Variants in SSH2 observed in about 807,000 individuals in gnomAD.
SSH2 encodes the protein protein phosphatase Slingshot homolog 2.
A neutral mutation model predicts 135.2 loss-of-function variants in SSH2; 37 were observed. The ratio of observed to expected loss-of-function variants is 0.27; its 90% CI spans 0.21 to 0.36. SSH2 has a LOEUF of 0.36. Among genes scored for constraint, SSH2 ranks in the 10% least tolerant of loss-of-function variants. The probability of loss-of-function intolerance (pLI) is 1.00; values close to 1 mark genes in which losing one functional copy is unlikely to be tolerated. For synonymous variants in SSH2, 628 were observed against 646.2 expected (o/e 0.97, Z 0.43); for missense variants, 1,408 against 1,765.3 (o/e 0.80, Z 3.63).
chr17:29,740,211 C>T (rs934541585), intron 3 of SSH2, among the ~76,000 whole-genome samples: 2 of 152,172 alleles, frequency 1.3e-5, no homozygotes, highest in Admixed American at 1.3e-4. Flanking sequence ...GGCAGAGATC[C>T]GATCTGAAGA....
rs1018542333 is a variant in SSH2, at chr17:29,671,785, C to G, written c.809+150G>C. On this transcript the variant is annotated intron_variant, in intron 9 of 15. Coordinates refer to ENST00000540801, the MANE Select transcript of SSH2 (RefSeq NM_001282129.2). ...AGGCAACAGCAAGAATAGGATTCTT[C>G]ATATGTGGCAGACACGTGCTATTCA... The G allele has an allele frequency of 4.7e-6, 3 of 641,382 alleles. No individual in the cohort carries two copies. In the African/African-American group the frequency reaches 5.4e-5, roughly 12 times the overall value. The allele number at this position is 641,382 out of a possible 1,614,324, so 39.7% of individuals were successfully genotyped here.
chr17:29,657,242 C>T (rs1458137884), intron 11 of SSH2, among the ~76,000 whole-genome samples: 1 of 152,040 alleles, frequency 6.6e-6, no homozygotes, highest in Non-Finnish European at 1.5e-5. Flanking sequence ...GCGGGGATTA[C>T]AGGCGTGAGG....
At chr17:29,683,559 T>C (rs1424817302) in intron 6 of SSH2, among the ~76,000 whole-genome samples, 2 of 151,948 alleles carry the variant, frequency 1.3e-5, no homozygotes, top group Non-Finnish European at 2.9e-5. Flanking sequence ...GTGGGATCTC[T>C]TTGTATCTGG....
At chr17:29,807,567 A>G (rs1206485385) in intron 2 of SSH2, among the ~76,000 whole-genome samples, 1 of 152,212 alleles carries the variant, frequency 6.6e-6, no homozygotes, top group Non-Finnish European at 1.5e-5. Context: ...AGTTGTTCCA[A>G]AATATACAGT....
chr17:29,848,869 C>T lies in SSH2; in HGVS notation c.124G>A (p.Glu42Lys). Reference protein sequence around the residue: ...ALLCCECEESEIFTDSNEADS... With the variant: ...ALLCCECEESKIFTDSNEADS... ...CGTACATTGGAATCAGTAAAGATTTCTGATTCTTCACATTCACAGCAAAGT... is the reference window on the plus strand; with the variant it reads ...CGTACATTGGAATCAGTAAAGATTTTTGATTCTTCACATTCACAGCAAAGT... The change falls in exon 2 of 16, where the codon GAA becomes AAA. Residue 42 changes from glutamate (E) to lysine (K), a missense_variant. Physicochemically the swap from Glu to Lys is moderately conservative, Grantham distance 56. Transcript: ENST00000540801. 6.5e-7 allele frequency: 1 copy of T among 1,533,414 alleles called. No individual in the cohort carries two copies. The highest frequency in any genetic ancestry group is 8.7e-7 in the Non-Finnish European group (1 of 1,144,964). The allele number at this position is 1,533,414 out of a possible 1,614,324, so 95.0% of individuals were successfully genotyped here. A position where few individuals can be genotyped will look rare whatever the true frequency, so the allele number is the denominator to read the frequency against.
chr17:29,816,867 G>A (rs559850953), intron 2 of SSH2, among the ~76,000 whole-genome samples: 1 of 152,190 alleles, frequency 6.6e-6, no homozygotes, highest in South Asian at 2.1e-4. Context: ...ACAGCCTTTT[G>A]CAGTTAAACA....
intron 5 of SSH2, among the ~76,000 whole-genome samples, chr17:29,694,244 A>C (rs1411844927): frequency 6.6e-6 from 1 of 152,228 alleles, no homozygotes; most frequent in Non-Finnish European, 1.5e-5. Context: ...AAGCCACGTG[A>C]ATATTGAATG....
intron 2 of SSH2, among the ~76,000 whole-genome samples, chr17:29,804,419 G>GA (rs2042303797): frequency 2.0e-5 from 3 of 151,838 alleles, no homozygotes; most frequent in Non-Finnish European, 2.9e-5. Context: ...TGATTCTAAA[G>GA]AAAAAAAAGT....
chr17:29,705,769 T>C (rs2039174395), intron 3 of SSH2, among the ~76,000 whole-genome samples: 1 of 152,194 alleles, frequency 6.6e-6, no homozygotes, highest in African/African-American at 2.4e-5. Flanking sequence ...TGCTTTCTGT[T>C]CCCTACTTGG....
intron 3 of SSH2, among the ~76,000 whole-genome samples, chr17:29,734,724 G>T (rs2040310269): frequency 6.6e-6 from 1 of 152,160 alleles, no homozygotes. Context: ...CATAGGTTGT[G>T]CTGAGAAACA....
At chr17:29,746,689 T>C (rs1394860239) in intron 3 of SSH2, among the ~76,000 whole-genome samples, 2 of 150,102 alleles carry the variant, frequency 1.3e-5, no homozygotes, top group Non-Finnish European at 3.0e-5. Flanking sequence ...CAGAGGAGAG[T>C]CCTGAAGAAA....
chr17:29,640,676 T>C (rs991215866), intron 14 of SSH2: 3 of 152,118 alleles, frequency 2.0e-5, no homozygotes, highest in Non-Finnish European at 4.4e-5. Flanking sequence ...GGAGGGAGAA[T>C]GGCAAGCAGC....
chr17:29,740,814 A>G (rs527534035), intron 3 of SSH2, among the ~76,000 whole-genome samples: 15 of 152,354 alleles, frequency 9.8e-5, no homozygotes, highest in African/African-American at 3.6e-4. Context: ...AAACAGCACA[A>G]TGAAATGTTG....
chr17:29,897,324 G>T (rs541125195), intron 1 of SSH2, among the ~76,000 whole-genome samples: 1 of 152,044 alleles, frequency 6.6e-6, no homozygotes, highest in Non-Finnish European at 1.5e-5. Context: ...CCAATTAAAA[G>T]ACACAGACTG....
rs1375626077 is a variant in SSH2 at position 29,631,985 on chromosome 17, T to C, written c.3209A>G (p.Lys1070Arg). 11 of 1,614,110 alleles carry C rather than the reference T, an allele frequency of 6.8e-6. No individual in the cohort carries two copies. The highest frequency in any genetic ancestry group is 9.3e-6 in the Non-Finnish European group (11 of 1,180,022). ...SEKSGEQGLR[K>R]VNMEKSVTVL... is the part of the protein sequence containing the mutation. ...AGTGACAGATTTTTCCATGTTCACT[T>C]TCCTCAGCCCTTGCTCTCCGCTCTT... The change falls in exon 16 of 16, where the codon AAA becomes AGA. Residue 1070 changes from lysine (K) to arginine (R), a missense_variant. Lys to Arg is a conservative substitution (Grantham distance 26). Coordinates refer to ENST00000540801, the MANE Select transcript of SSH2 (RefSeq NM_001282129.2).
intron 6 of SSH2, among the ~76,000 whole-genome samples, chr17:29,683,350 T>A (rs1045816865): frequency 2.0e-5 from 3 of 152,122 alleles, no homozygotes; most frequent in Non-Finnish European, 4.4e-5. Flanking sequence ...AGGCCAGGTG[T>A]TGTGTGTCAT....
intron 9 of SSH2, among the ~76,000 whole-genome samples, chr17:29,667,867 T>A (rs2151035370): frequency 6.6e-6 from 1 of 152,318 alleles, no homozygotes; most frequent in African/African-American, 2.4e-5. Flanking sequence ...CCTGAAGGAT[T>A]ATGTCACTTC....
intron 3 of SSH2, among the ~76,000 whole-genome samples, chr17:29,731,103 GTTT>G (rs1259240787): frequency 6.6e-6 from 1 of 152,128 alleles, no homozygotes; most frequent in African/African-American, 2.4e-5. Context: ...CTCTGAGTCA[GTTT>G]TAGCATTTTA....
rs545365599 is a variant in SSH2 at position 29,855,127 on chromosome 17, C to CT, written c.64-6199dup. On this transcript the variant is annotated intron_variant, in intron 1 of 15. Transcript: ENST00000540801. Reference sequence around the variant, plus strand: ...TTTCCTCCATCTTTCATCCTCTCCTCTTTTTTTTTTGTATCTTTTTTTGTG... The same window carrying CT: ...TTTCCTCCATCTTTCATCCTCTCCTCTTTTTTTTTTTGTATCTTTTTTTGTG... Among the ~76,000 whole-genome samples the CT allele has an allele frequency of 3.0e-3, 447 of 148,514 alleles. 1 individual carries two copies. The highest frequency in any genetic ancestry group is 4.4e-3 in the Admixed American group (66 of 14,852).
Sources: allele counts gnomAD v4.1 joint callset (sites outside exome capture counted in the v4.1 genomes callset), GRCh38; gene constraint gnomAD v4.1.1; transcripts MANE v1.5; gene names NCBI Gene and HGNC (gene_info 2026-07-23, HGNC 2026-07-21).